The following FAM185A variants were observed in gnomAD, a reference collection of about 807,000 sequenced individuals.
FAM185A encodes protein FAM185A.
FAM185A carries 21 observed loss-of-function variants against 45.7 expected under a neutral mutation model. The ratio of observed to expected loss-of-function variants is 0.46; its 90% confidence interval spans 0.33 to 0.66. The LOEUF (loss-of-function observed/expected upper bound fraction) is 0.66, where lower values mean the gene tolerates loss of function less well. Ranked by LOEUF, FAM185A falls within the 30% of genes least tolerant of loss-of-function variation. FAM185A has a pLI of 0.03. For missense variants in FAM185A, 305 were observed against 485.4 expected (o/e 0.63, Z 3.49); for synonymous variants, 117 against 194.0 (o/e 0.60, Z 3.30).
downstream of FAM185A, among the ~76,000 whole-genome samples, chr7:102,809,628 G>C (rs1401704558): frequency 6.7e-6 from 1 of 149,068 alleles, no homozygotes; most frequent in African/African-American, 2.5e-5. Context: ...CTTGAACCTG[G>C]GAGGCAGAGG....
intron 7 of FAM185A, among the ~76,000 whole-genome samples, chr7:102,788,084 C>T (rs1168698931): frequency 6.6e-6 from 1 of 152,114 alleles, no homozygotes; most frequent in Non-Finnish European, 1.5e-5. Context: ...GTTGCCTCAC[C>T]CTCCTGAGTA....
chr7:102,766,001 C>T (rs147997155), intron 4 of FAM185A, among the ~76,000 whole-genome samples: 9,177 of 151,980 alleles, frequency 0.06, 59 homozygotes, highest in African/African-American at 0.12. Context: ...TCAAAGAATG[C>T]TGTGCATGTA....
chr7:102,837,403 A>C, the FAM185A span, among the ~76,000 whole-genome samples: 25 of 152,346 alleles, frequency 1.6e-4, no homozygotes, highest in East Asian at 4.8e-3. Context: ...GGACCAAAAC[A>C]AATATTTCCA....
Position 102,760,627 on chromosome 7 carries a change from G to T in FAM185A, c.655-646G>T, listed in dbSNP as rs556343773. 1.3e-4 allele frequency among the ~76,000 whole-genome samples: 20 copies of T among 152,172 alleles called. No individual in the cohort carries two copies. The South Asian group carries it at 4.2e-3, about 32-fold the overall frequency. On this transcript the variant is annotated intron_variant, in intron 3 of 7. Coordinates refer to ENST00000413034, the MANE Select transcript of FAM185A (RefSeq NM_001145268.2). ...TATAGCAAACATCATGCTTAATGGTGAAATGTTGTAAACTTTTCTTTTGAG... is the reference window on the plus strand; with the variant it reads ...TATAGCAAACATCATGCTTAATGGTTAAATGTTGTAAACTTTTCTTTTGAG...
chr7:102,783,162 G>C (rs950621631), intron 6 of FAM185A, among the ~76,000 whole-genome samples: 1 of 150,952 alleles, frequency 6.6e-6, no homozygotes, highest in Non-Finnish European at 1.5e-5. Context: ...AGTCCTTAGA[G>C]ACCTACAAGG....
intron 7 of FAM185A, among the ~76,000 whole-genome samples, chr7:102,806,684 T>C (rs1398318031): frequency 6.6e-6 from 1 of 152,212 alleles, no homozygotes; most frequent in Non-Finnish European, 1.5e-5. Context: ...CCAGAGGAGA[T>C]ATAACACCTT....
intron 7 of FAM185A, among the ~76,000 whole-genome samples, chr7:102,796,801 C>G (rs189208722): frequency 1.2e-4 from 18 of 152,192 alleles, no homozygotes; most frequent in African/African-American, 3.9e-4. Context: ...GTTATTATAA[C>G]TGTATTGCAC....
chr7:102,773,036 A>G (rs2129436782), intron 5 of FAM185A, among the ~76,000 whole-genome samples: 1 of 151,228 alleles, frequency 6.6e-6, no homozygotes, highest in Non-Finnish European at 1.5e-5. Flanking sequence ...AAGAAAGGGT[A>G]ACTGAATAGA....
At chr7:102,848,664 G>C in the FAM185A span, among the ~76,000 whole-genome samples, 1 of 145,322 alleles carries the variant, frequency 6.9e-6, no homozygotes, top group African/African-American at 2.5e-5. Flanking sequence ...TTCTAGGAAA[G>C]AGGAATCAGA....
At chr7:102,808,075 A>G (rs994736004) in intron 7 of FAM185A, among the ~76,000 whole-genome samples, 13 of 152,166 alleles carry the variant, frequency 8.5e-5, no homozygotes, top group Non-Finnish European at 2.9e-5. Flanking sequence ...AAAACAAAAC[A>G]AAACACAGAG....
At chr7:102,760,589 T>C (rs955130743) in intron 3 of FAM185A, among the ~76,000 whole-genome samples, 3 of 152,054 alleles carry the variant, frequency 2.0e-5, no homozygotes, top group Non-Finnish European at 4.4e-5. Flanking sequence ...ATAAAAATTA[T>C]TTTAAAAATA....
the FAM185A span, among the ~76,000 whole-genome samples, chr7:102,819,193 C>T: frequency 5.9e-5 from 9 of 152,118 alleles, no homozygotes; most frequent in African/African-American, 2.2e-4. Flanking sequence ...TACCTTGTTG[C>T]CTTTCCCCAC....
chr7:102,778,500 C>T (rs1321014248), intron 6 of FAM185A, among the ~76,000 whole-genome samples: 1 of 152,218 alleles, frequency 6.6e-6, no homozygotes, highest in Non-Finnish European at 1.5e-5. Context: ...CTGTTACATA[C>T]AAATAATTTA....
chr7:102,818,975 C>G, the FAM185A span, among the ~76,000 whole-genome samples: 1 of 152,086 alleles, frequency 6.6e-6, no homozygotes, highest in African/African-American at 2.4e-5. Context: ...CTGACAGGCC[C>G]CAGTGTGTGT....
intron 3 of FAM185A, among the ~76,000 whole-genome samples, chr7:102,758,386 C>T (rs1032028870): frequency 7.5e-6 from 1 of 132,716 alleles, no homozygotes; most frequent in African/African-American, 2.8e-5. Flanking sequence ...TCAGTATTTT[C>T]CACAAGGTGG....
the FAM185A span, among the ~76,000 whole-genome samples, chr7:102,841,953 T>C: frequency 6.6e-6 from 1 of 152,202 alleles, no homozygotes; most frequent in Non-Finnish European, 1.5e-5. Flanking sequence ...CCCACTACCC[T>C]TCATTCTACC....
At chr7:102,771,879 T>C (rs550080698) in intron 4 of FAM185A, among the ~76,000 whole-genome samples, 126 of 152,330 alleles carry the variant, frequency 8.3e-4, no homozygotes, top group African/African-American at 2.5e-3. Flanking sequence ...TTCTTTGTTC[T>C]GTTTTGTTAG....
At chr7:102,753,892 A>C (rs995997177) in intron 2 of FAM185A, among the ~76,000 whole-genome samples, 17 of 152,186 alleles carry the variant, frequency 1.1e-4, no homozygotes, top group Non-Finnish European at 2.2e-4. Flanking sequence ...TATTCCTTGA[A>C]AGACCTCCCA....
intron 7 of FAM185A, among the ~76,000 whole-genome samples, chr7:102,793,771 G>T (rs577209183): frequency 6.6e-6 from 1 of 151,548 alleles, no homozygotes; most frequent in East Asian, 2.0e-4. Flanking sequence ...GGGCACGGTC[G>T]CTCACGCCTG....
Sources: allele counts gnomAD v4.1 joint callset (sites outside exome capture counted in the v4.1 genomes callset), GRCh38; gene constraint gnomAD v4.1.1; transcripts MANE v1.5; gene names NCBI Gene and HGNC (gene_info 2026-07-23, HGNC 2026-07-21).